The following NTS variants were observed in gnomAD, a reference collection of about 807,000 sequenced individuals.
NTS encodes neurotensin/neuromedin N.
NTS carries 20 observed loss-of-function variants against 19.5 expected under a neutral mutation model. That is an observed-to-expected ratio of 1.02 (90% CI 0.72 to 1.49). The LOEUF (loss-of-function observed/expected upper bound fraction) is 1.49. Ranked by LOEUF, NTS falls within the 40% of genes most tolerant of loss-of-function variation. NTS has a pLI of 0.00. For missense variants in NTS, 215 were observed against 193.1 expected (o/e 1.11, Z -0.67); for synonymous variants, 71 against 63.3 (o/e 1.12, Z -0.58).
chr12:85,878,641 A>G, intron 3 of NTS, 72 bp downstream of exon 3: 1 of 850,666 alleles, frequency 1.2e-6, no homozygotes, highest in South Asian at 2.9e-5. Flanking sequence ...AATTTCTTAA[A>G]TTCCCAATCA....
chr12:85,874,944 A>T (rs887649709), intron 1 of NTS, among the ~76,000 whole-genome samples: 9 of 152,218 alleles, frequency 5.9e-5, no homozygotes, highest in Non-Finnish European at 1.0e-4. Flanking sequence ...GTGTTAAGAT[A>T]ACAAATAAAG....
chr12:85,878,304 A>G (rs897801727), intron 2 of NTS, 41 bp from the exon 3 acceptor site: 4 of 1,426,562 alleles, frequency 2.8e-6, no homozygotes, highest in Middle Eastern at 3.7e-4. Context: ...TGCTCATGTA[A>G]CACAAGTTTT....
chr12:85,876,317 C>T (rs1042195210), intron 1 of NTS, among the ~76,000 whole-genome samples: 1 of 151,770 alleles, frequency 6.6e-6, no homozygotes, highest in East Asian at 1.9e-4. Flanking sequence ...ATAAGCTACT[C>T]TAGCATATTT....
intron 3 of NTS, among the ~76,000 whole-genome samples, chr12:85,880,946 C>A (rs1227996195): frequency 6.6e-6 from 1 of 151,970 alleles, no homozygotes; most frequent in Non-Finnish European, 1.5e-5. Context: ...AGCGAGACTC[C>A]ATCTCGAGCA....
At chr12:85,881,106 T>C (rs529977549) in intron 3 of NTS, among the ~76,000 whole-genome samples, 1 of 152,298 alleles carries the variant, frequency 6.6e-6, no homozygotes, top group East Asian at 1.9e-4. Flanking sequence ...TTTTCCCTAT[T>C]TTAAATGTTA....
At chr12:85,877,781 G>A (rs191285518) in intron 2 of NTS, among the ~76,000 whole-genome samples, 134 of 152,122 alleles carry the variant, frequency 8.8e-4, no homozygotes, top group East Asian at 7.9e-3. Context: ...TTAATAGTCC[G>A]TGTTAGAAAA....
At chr12:85,880,009 C>T (rs1019252062) in intron 3 of NTS, among the ~76,000 whole-genome samples, 1 of 149,700 alleles carries the variant, frequency 6.7e-6, no homozygotes, top group Non-Finnish European at 1.5e-5. Flanking sequence ...TCGCACCAAC[C>T]TAATATATCC....
At chr12:85,881,232 C>T (rs902990219) in intron 3 of NTS, among the ~76,000 whole-genome samples, 6 of 151,994 alleles carry the variant, frequency 3.9e-5, no homozygotes, top group Non-Finnish European at 7.4e-5. Context: ...TGTTTTTTCT[C>T]CTCTGAAATT....
chr12:85,879,852 AT>A (rs1419073574), intron 3 of NTS, among the ~76,000 whole-genome samples: 2 of 145,410 alleles, frequency 1.4e-5, no homozygotes, highest in African/African-American at 5.0e-5. Context: ...TTTTATGTAT[AT>A]TTACATATAT....
intron 1 of NTS, 98 bp downstream of exon 1, chr12:85,874,574 G>A (rs1452924580): frequency 1.3e-6 from 1 of 760,320 alleles, no homozygotes; most frequent in East Asian, 2.5e-5. Flanking sequence ...GAGAAGAGTT[G>A]CTCCCTTTTA....
At chr12:85,881,361 C>T (rs552115195) in intron 3 of NTS, among the ~76,000 whole-genome samples, 1 of 152,078 alleles carries the variant, frequency 6.6e-6, no homozygotes, top group South Asian at 2.1e-4. Context: ...TAGAAGACAA[C>T]CAAAAATACA....
chr12:85,878,281 G>C lies in NTS; in HGVS notation c.136-64G>C, dbSNP rs1881390933. On this transcript the variant is annotated intron_variant, in intron 2 of 3. Transcript: ENST00000256010. ...CTAAATGTGATGGTTTAGCACACTA[G>C]GAATTCATTTCTTGCTCATGTAACA... is the stretch of plus-strand genomic sequence containing the variant. 5 of 1,158,062 alleles carry C rather than the reference G, an allele frequency of 4.3e-6. No homozygotes were observed. The South Asian group carries it at 4.6e-5, about 11-fold the overall frequency. 71.7% of individuals were successfully genotyped at this position (1,158,062 alleles called of 1,614,324 possible). A position where few individuals can be genotyped will look rare whatever the true frequency, so the allele number is the denominator to read the frequency against.
At chr12:85,881,285 T>C (rs1001344162) in intron 3 of NTS, among the ~76,000 whole-genome samples, 2 of 152,178 alleles carry the variant, frequency 1.3e-5, no homozygotes, top group Non-Finnish European at 2.9e-5. Flanking sequence ...TGTAAGATTT[T>C]ATTCATATGC....
intron 3 of NTS, among the ~76,000 whole-genome samples, chr12:85,881,991 G>A (rs977703773): frequency 4.6e-5 from 7 of 151,908 alleles, no homozygotes; most frequent in African/African-American, 1.4e-4. Context: ...CTAGCCTGGT[G>A]AACTAGGAAG....
intron 3 of NTS, among the ~76,000 whole-genome samples, chr12:85,879,035 T>A (rs1881413027): frequency 7.1e-6 from 1 of 140,262 alleles, no homozygotes; most frequent in Non-Finnish European, 1.6e-5. Context: ...TAAAAATATA[T>A]TTTTATGTAC....
intron 1 of NTS, 34 bp downstream of exon 1, chr12:85,874,510 T>A (rs756973089): frequency 6.8e-7 from 1 of 1,463,622 alleles, no homozygotes; most frequent in Admixed American, 1.7e-5. Context: ...CTCCCTGAAG[T>A]GATTTCTTTT....
Position 85,882,451 on chromosome 12 carries a change from A to T in NTS, c.*76A>T, listed in dbSNP as rs1881522973. 2 of 1,179,326 alleles carry T rather than the reference A, an allele frequency of 1.7e-6. No homozygotes were observed. Among genetic ancestry groups the T allele is most frequent in the Non-Finnish European group, 2.4e-6 (2 of 844,070 alleles). The allele number at this position is 1,179,326 out of a possible 1,614,324, so 73.1% of individuals were successfully genotyped here. A position where few individuals can be genotyped will look rare whatever the true frequency, so the allele number is the denominator to read the frequency against. ...AAATATCAAATTATATTTGTGTGAA[A>T]ATGTGACAAACACACTTATCTGTCT... On this transcript the variant is annotated 3_prime_UTR_variant, in exon 4 of 4. Transcript: ENST00000256010.
Position 85,874,367 on chromosome 12 carries a change from TGACTTTTACG to T in NTS, c.-31_-22del. ...GAGAGAGCCCCCTTCAGTGTGCTTC[TGACTTTTACG>T]GACTTGGCTTGTTAGAAGGCTGAAA... On this transcript the variant is annotated 5_prime_UTR_variant, in exon 1 of 4. Coordinates refer to ENST00000256010, the MANE Select transcript of NTS (RefSeq NM_006183.5). The T allele has an allele frequency of 6.5e-7, 1 of 1,537,152 alleles. No individual in the cohort carries two copies. Among genetic ancestry groups the T allele is most frequent in the Non-Finnish European group, 9.0e-7 (1 of 1,109,800 alleles).
rs1439053406 is a variant in NTS, at chr12:85,882,439, T to C, written c.*64T>C. Reference sequence around the variant, plus strand: ...CATCCCTTAATTAAATATCAAATTATATTTGTGTGAAAATGTGACAAACAC... The same window carrying C: ...CATCCCTTAATTAAATATCAAATTACATTTGTGTGAAAATGTGACAAACAC... On this transcript the variant is annotated 3_prime_UTR_variant, in exon 4 of 4. Transcript: ENST00000256010. 5 of 1,270,006 alleles carry C rather than the reference T, an allele frequency of 3.9e-6. No individual in the cohort carries two copies. The highest frequency in any genetic ancestry group is 5.4e-6 in the Non-Finnish European group (5 of 923,338). 78.7% of individuals were successfully genotyped at this position (1,270,006 alleles called of 1,614,324 possible). A position where few individuals can be genotyped will look rare whatever the true frequency, so the allele number is the denominator to read the frequency against.
Sources: gnomAD v4.1 joint callset for allele counts (sites outside exome capture counted in the v4.1 genomes callset) on GRCh38, gnomAD v4.1.1 for gene constraint, MANE v1.5 for transcripts, NCBI Gene and HGNC (gene_info 2026-07-23, HGNC 2026-07-21) for gene names.